Variants in TANC2 observed in about 807,000 individuals in gnomAD.
The protein encoded by TANC2 is tetratricopeptide repeat, ankyrin repeat and coiled-coil containing 2, also known as protein TANC2.
A neutral mutation model predicts 210.5 loss-of-function variants in TANC2; 26 were observed. That is an observed-to-expected ratio of 0.12 (90% CI 0.09 to 0.17). The LOEUF (loss-of-function observed/expected upper bound fraction) is 0.17. Ranked by LOEUF, TANC2 falls within the 10% of genes least tolerant of loss-of-function variation. The pLI is 1.00. For missense variants in TANC2, 2,129 were observed against 2,608.9 expected, an observed-to-expected ratio of 0.82 and a Z score of 4.01; for synonymous variants, 931 against 967.1, an observed-to-expected ratio of 0.96 and a Z score of 0.69.
At chr17:63,123,894 G>A (rs539575004) in intron 4 of TANC2, among the ~76,000 whole-genome samples, 1 of 151,676 alleles carries the variant, frequency 6.6e-6, no homozygotes, top group Non-Finnish European at 1.5e-5. Context: ...GTAGAGATGG[G>A]GTTTCACCAT....
In TANC2 at chr17:63,240,584, G is replaced by T. The variant is rs186884866; in HGVS notation, c.1033+2507G>T. Among the ~76,000 whole-genome samples, 8 of 152,246 alleles carry T rather than the reference G, an allele frequency of 5.3e-5. No individual in the cohort carries two copies. In the East Asian group the frequency reaches 1.5e-3, roughly 29 times the overall value. The stretch of plus-strand genomic sequence containing the variant: ...TTAGCCAAGTGCTCCCTCTCTAGTT[G>T]TATCCTGTACCTTCAGAGCAGTGCC... On this transcript the variant is annotated intron_variant, in intron 8 of 27. Transcript: ENST00000689528.
intron 11 of TANC2, among the ~76,000 whole-genome samples, chr17:63,321,606 A>G (rs1224857711): frequency 1.3e-5 from 2 of 152,176 alleles, no homozygotes; most frequent in Non-Finnish European, 2.9e-5. Flanking sequence ...AGAATCCTCC[A>G]GTCTTCTGAC....
intron 4 of TANC2, among the ~76,000 whole-genome samples, chr17:63,107,386 A>T (rs1207861858): frequency 6.6e-6 from 1 of 151,718 alleles, no homozygotes; most frequent in Non-Finnish European, 1.5e-5. Context: ...CAAATAAAAA[A>T]GTTTTATTTG....
At chr17:63,017,590 A>G (rs1269604005) in intron 2 of TANC2, among the ~76,000 whole-genome samples, 1 of 152,250 alleles carries the variant, frequency 6.6e-6, no homozygotes, top group Non-Finnish European at 1.5e-5. Flanking sequence ...AAATTCTGAA[A>G]CATTTCTTTA....
At chr17:63,227,686 C>T (rs2042363974) in intron 7 of TANC2, among the ~76,000 whole-genome samples, 1 of 152,086 alleles carries the variant, frequency 6.6e-6, no homozygotes, top group Non-Finnish European at 1.5e-5. Flanking sequence ...TTACCCATGC[C>T]TATGTCTTGA....
chr17:63,119,913 G>A (rs2038397409), intron 4 of TANC2, among the ~76,000 whole-genome samples: 1 of 152,112 alleles, frequency 6.6e-6, no homozygotes, highest in South Asian at 2.1e-4. Flanking sequence ...CCAGCTACTT[G>A]GGAGGCTGAG....
intron 11 of TANC2, among the ~76,000 whole-genome samples, chr17:63,322,131 CG>C (rs1285081848): frequency 6.6e-6 from 1 of 152,130 alleles, no homozygotes; most frequent in African/African-American, 2.4e-5. Flanking sequence ...CTGAGATTTC[CG>C]TCAATTCATT....
rs544358418 is a variant in TANC2 at position 63,414,558 on chromosome 17, G to A, written c.4020+924G>A. 9.2e-5 allele frequency among the ~76,000 whole-genome samples: 14 copies of A among 152,290 alleles called. No homozygotes were observed. In the East Asian group the frequency reaches 2.3e-3, roughly 25 times the overall value. On this transcript the variant is annotated intron_variant, in intron 25 of 27. Coordinates refer to ENST00000689528, the Ensembl canonical transcript of TANC2. ...CACAATGGCATTACTCTCAGATTAT[G>A]TCCTGGTTATAGCATAACTTCTGGT...
chr17:63,340,188 C>T (rs757851333), exon 12 of TANC2: 6 of 1,613,916 alleles, frequency 3.7e-6, no homozygotes, highest in East Asian at 4.5e-5. Context: ...CTTGCTCTGC[C>T]GCTCACCTCA....
At position 63,401,895 on chromosome 17, in the gene TANC2, C is replaced by T. The variant is rs561534691; in HGVS notation, c.3331+2981C>T. On this transcript the variant is annotated intron_variant, in intron 19 of 27. Transcript: ENST00000689528. ...TTACTAGATTCCTTTAATTCCTGCC[C>T]TCATCATCATTTGCCTAGATTATTG... Among the ~76,000 whole-genome samples, 212 of 152,276 alleles carry T rather than the reference C, an allele frequency of 1.4e-3. 1 individual carries two copies. Among genetic ancestry groups the T allele is most frequent in the African/African-American group, 4.9e-3 (202 of 41,566 alleles).
At chr17:62,997,326 T>A (rs2033166848) in intron 1 of TANC2, among the ~76,000 whole-genome samples, 2 of 152,098 alleles carry the variant, frequency 1.3e-5, no homozygotes, top group African/African-American at 2.4e-5. Flanking sequence ...TAACCCTGCA[T>A]CTTATCTGTA....
chr17:63,409,386 A>G (rs761839279), intron 21 of TANC2, among the ~76,000 whole-genome samples: 2 of 152,092 alleles, frequency 1.3e-5, no homozygotes, highest in South Asian at 2.1e-4. Flanking sequence ...CAGTCTCACC[A>G]TGTTGCCCAG....
chr17:63,313,354 G>A (rs1302275923), intron 9 of TANC2: 1 of 152,148 alleles, frequency 6.6e-6, no homozygotes, highest in Admixed American at 6.5e-5. Context: ...AGCTGCTCTG[G>A]GAACAGTTCA....
intron 5 of TANC2, among the ~76,000 whole-genome samples, chr17:63,160,065 TGA>T (rs1212105217): frequency 3.9e-5 from 6 of 152,184 alleles, no homozygotes; most frequent in African/African-American, 7.2e-5. Context: ...GGAGGGAGAA[TGA>T]GAGCAGAGAG....
At chr17:63,079,374 A>G (rs1207269284) in intron 3 of TANC2, among the ~76,000 whole-genome samples, 1 of 152,152 alleles carries the variant, frequency 6.6e-6, no homozygotes, top group African/African-American at 2.4e-5. Flanking sequence ...TTTAAGTTCT[A>G]GTTTTCTTCC....
At chr17:63,411,529 T>G in exon 22 of TANC2, 1 of 1,612,172 alleles carries the variant, frequency 6.2e-7, no homozygotes, top group African/African-American at 1.3e-5. Flanking sequence ...ATTGCTCTTA[T>G]GGACAAAGAA....
At chr17:63,100,744 C>A (rs1309441681) in intron 4 of TANC2, among the ~76,000 whole-genome samples, 1 of 152,148 alleles carries the variant, frequency 6.6e-6, no homozygotes, top group Non-Finnish European at 1.5e-5. Flanking sequence ...TACCGCTTTC[C>A]TATCCCATTT....
chr17:63,276,974 G>T (rs1299888940), intron 9 of TANC2, among the ~76,000 whole-genome samples: 2 of 152,110 alleles, frequency 1.3e-5, no homozygotes. Context: ...TGTACTCTGC[G>T]GTATTGGAGA....
At chr17:62,970,074 C>T (rs1293681552) in intron 1 of TANC2, among the ~76,000 whole-genome samples, 1 of 152,174 alleles carries the variant, frequency 6.6e-6, no homozygotes, top group Admixed American at 6.5e-5. Flanking sequence ...AGAAATGGAA[C>T]ATCATCTTTC....
Sources: gnomAD v4.1 joint callset for allele counts (sites outside exome capture counted in the v4.1 genomes callset) on GRCh38, gnomAD v4.1.1 for gene constraint, MANE v1.5 for transcripts, NCBI Gene and HGNC (gene_info 2026-07-23, HGNC 2026-07-21) for gene names.